MIER1: variants seen among roughly 807,000 people sequenced by gnomAD.
MIER1 encodes the protein mesoderm induction early response protein 1.
MIER1 carries 40 observed loss-of-function variants against 75.7 expected under a neutral mutation model. The ratio of observed to expected loss-of-function variants is 0.53; its 90% CI spans 0.41 to 0.69. The LOEUF is 0.69. Ranked by LOEUF, MIER1 falls within the 30% of genes least tolerant of loss-of-function variation. The pLI, the probability that MIER1 is intolerant of heterozygous loss-of-function variation, is 0.00. For missense variants in MIER1, 574 were observed against 680.2 expected (o/e 0.84, Z 1.74); for synonymous variants, 213 against 223.4 (o/e 0.95, Z 0.42).
At chr1:66,939,592 A>G (rs1194973446) in intron 2 of MIER1, among the ~76,000 whole-genome samples, 2 of 152,122 alleles carry the variant, frequency 1.3e-5, no homozygotes, top group African/African-American at 4.8e-5. Context: ...ATAGTGTCCT[A>G]AATTGTTTCT....
chr1:66,955,802 T>G (rs1660009894), intron 4 of MIER1, among the ~76,000 whole-genome samples: 1 of 152,228 alleles, frequency 6.6e-6, no homozygotes, highest in African/African-American at 2.4e-5. Flanking sequence ...TCAGTGGCTT[T>G]TATTCACAAT....
chr1:66,958,715 A>G, intron 5 of MIER1, 136 bp from the exon 6 acceptor site: 1 of 639,028 alleles, frequency 1.6e-6, no homozygotes, highest in Non-Finnish European at 2.5e-6. Context: ...GCAGGAACCA[A>G]CCCAGAGGAT....
intron 10 of MIER1, among the ~76,000 whole-genome samples, chr1:66,972,623 T>G (rs959359309): frequency 7.3e-5 from 11 of 151,648 alleles, no homozygotes; most frequent in Non-Finnish European, 3.0e-5. Context: ...CATGGCAAAT[T>G]TAAGGAATTG....
chr1:66,937,017 AAAAGAG>A (rs1655040443), intron 2 of MIER1, among the ~76,000 whole-genome samples: 1 of 150,892 alleles, frequency 6.6e-6, no homozygotes, highest in African/African-American at 2.4e-5. Flanking sequence ...AAAAAAAAAA[AAAAGAG>A]AAAAAGAAAA....
intron 12 of MIER1, among the ~76,000 whole-genome samples, chr1:66,977,899 C>G (rs1570514893): frequency 6.6e-6 from 1 of 152,044 alleles, no homozygotes; most frequent in South Asian, 2.1e-4. Context: ...AAATAATTAC[C>G]TTCGAAAGAT....
chr1:66,978,497 A>C (rs1174733642), intron 12 of MIER1, among the ~76,000 whole-genome samples: 1 of 152,228 alleles, frequency 6.6e-6, no homozygotes, highest in Non-Finnish European at 1.5e-5. Flanking sequence ...CTAATTGCTT[A>C]ATGTTAAATT....
rs1364812750 is a variant in MIER1, at chr1:66,958,418, T to C, written c.501+198T>C. 2.0e-5 allele frequency among the ~76,000 whole-genome samples: 3 copies of C among 152,002 alleles called. No individual in the cohort carries two copies. In the East Asian group the frequency reaches 5.8e-4, roughly 29 times the overall value. On this transcript the variant is annotated intron_variant, in intron 5 of 13. Coordinates refer to ENST00000401041, the MANE Select transcript of MIER1 (RefSeq NM_001077700.3). ...CTCCTGAGGTAACAGTTTGGTCTTGTCATTTCAGGTTTCTTTTTTTCCAGT... is the reference window on the plus strand; with the variant it reads ...CTCCTGAGGTAACAGTTTGGTCTTGCCATTTCAGGTTTCTTTTTTTCCAGT...
At chr1:66,941,173 A>C (rs1473907117) in intron 3 of MIER1, among the ~76,000 whole-genome samples, 1 of 152,352 alleles carries the variant, frequency 6.6e-6, no homozygotes, top group Admixed American at 6.5e-5. Context: ...GGACTAGATC[A>C]CATCTACATC....
At chr1:66,945,892 C>T (rs1657523756) in intron 3 of MIER1, among the ~76,000 whole-genome samples, 1 of 152,090 alleles carries the variant, frequency 6.6e-6, no homozygotes. Flanking sequence ...ACACGAAAAG[C>T]CTGTTCTTAT....
intron 12 of MIER1, among the ~76,000 whole-genome samples, chr1:66,976,929 AGT>A (rs964805085): frequency 1.3e-5 from 2 of 152,174 alleles, no homozygotes; most frequent in African/African-American, 4.8e-5. Flanking sequence ...TAGACTTTTC[AGT>A]GTCTTATGAA....
At chr1:66,926,639 C>T (rs1651865808) in intron 2 of MIER1, among the ~76,000 whole-genome samples, 1 of 152,070 alleles carries the variant, frequency 6.6e-6, no homozygotes, top group East Asian at 1.9e-4. Flanking sequence ...GTATTTTCAA[C>T]CAAATTAGTA....
intron 12 of MIER1, among the ~76,000 whole-genome samples, chr1:66,980,266 A>C (rs1490712516): frequency 6.6e-6 from 1 of 152,240 alleles, no homozygotes; most frequent in Non-Finnish European, 1.5e-5. Context: ...AGAAGTCTTC[A>C]AGACCATCTA....
At position 66,986,524 on chromosome 1, in the gene MIER1, G is replaced by GA. The variant is rs540583161; in HGVS notation, c.*1626dup. On this transcript the variant is annotated 3_prime_UTR_variant, in exon 14 of 14. Coordinates refer to ENST00000401041, the MANE Select transcript of MIER1 (RefSeq NM_001077700.3). Reference sequence around the variant, plus strand: ...GCTCAACTGTCTGATGTAATTGAGTGAAGGTTTGCACTGAGAAATTAGCAT... The same window carrying GA: ...GCTCAACTGTCTGATGTAATTGAGTGAAAGGTTTGCACTGAGAAATTAGCAT... 304 of 1,352,774 alleles carry GA rather than the reference G, an allele frequency of 2.2e-4. No homozygotes were observed. Among genetic ancestry groups the GA allele is most frequent in the Admixed American group, 1.3e-3 (73 of 57,920 alleles). The allele number at this position is 1,352,774 out of a possible 1,614,324, so 83.8% of individuals were successfully genotyped here.
Position 66,987,264 on chromosome 1 carries a change from T to C in MIER1, c.*2364T>C, listed in dbSNP as rs555279976. Reference sequence around the variant, plus strand: ...TATAACTTGATAAGTCATTGCACTATTTAAAAAGTTTTAGTAATATCATGA... The same window carrying C: ...TATAACTTGATAAGTCATTGCACTACTTAAAAAGTTTTAGTAATATCATGA... On this transcript the variant is annotated 3_prime_UTR_variant, in exon 14 of 14. Transcript: ENST00000401041. 17 of 152,856 alleles carry C rather than the reference T, an allele frequency of 1.1e-4. No homozygotes were observed. The highest frequency in any genetic ancestry group is 3.4e-3 in the Middle Eastern group (1 of 294). The allele number at this position is 152,856 out of a possible 1,614,324, so 9.5% of individuals were successfully genotyped here. A position where few individuals can be genotyped will look rare whatever the true frequency, so the allele number is the denominator to read the frequency against.
intron 1 of MIER1, 67 bp downstream of exon 1, chr1:66,925,162 T>G: frequency 6.6e-7 from 1 of 1,524,084 alleles, no homozygotes; most frequent in Non-Finnish European, 8.8e-7. Flanking sequence ...GCTCCTGAGG[T>G]GTCCTCAGTC....
rs72673714 is a variant in MIER1, at chr1:66,948,038, A to G, written c.339+1743A>G. 0.066 allele frequency: 64,186 copies of G among 974,810 alleles called. 2,455 individuals are homozygous for G. The highest frequency in any genetic ancestry group is 0.27 in the East Asian group (2,319 of 8,684). 60.4% of individuals were successfully genotyped at this position (974,810 alleles called of 1,614,324 possible). A position where few individuals can be genotyped will look rare whatever the true frequency, so the allele number is the denominator to read the frequency against. On this transcript the variant is annotated intron_variant, in intron 4 of 13. Transcript: ENST00000401041. The stretch of plus-strand genomic sequence containing the variant: ...TTTTTTAACCACTGTCCCCTATTCA[A>G]TGCTTTCTTTAGTGTTAGGACACAA...
At chr1:66,958,020 C>G in intron 4 of MIER1, 39 bp from the exon 5 acceptor site, 1 of 1,296,546 alleles carries the variant, frequency 7.7e-7, no homozygotes, top group Non-Finnish European at 1.1e-6. Flanking sequence ...TCAGAAATAT[C>G]ACTGATTCAG....
intron 12 of MIER1, among the ~76,000 whole-genome samples, chr1:66,979,386 A>C (rs1276053519): frequency 6.6e-6 from 1 of 152,194 alleles, no homozygotes; most frequent in African/African-American, 2.4e-5. Flanking sequence ...ATTATCCTGA[A>C]AGTCATTTGT....
At chr1:66,933,849 G>A (rs1270046658) in intron 2 of MIER1, among the ~76,000 whole-genome samples, 1 of 152,122 alleles carries the variant, frequency 6.6e-6, no homozygotes, top group Non-Finnish European at 1.5e-5. Context: ...AGATAATTCT[G>A]GTAAGTGAGA....
Sources: allele counts gnomAD v4.1 joint callset (sites outside exome capture counted in the v4.1 genomes callset), GRCh38; gene constraint gnomAD v4.1.1; transcripts MANE v1.5; gene names NCBI Gene and HGNC (gene_info 2026-07-23, HGNC 2026-07-21).